The following DEPTOR variants were observed in gnomAD, a reference collection of about 807,000 sequenced individuals.
The protein encoded by DEPTOR is DEP domain-containing mTOR-interacting protein.
In DEPTOR, 41 loss-of-function variants were observed where a neutral mutation model predicts 41.6. That is an observed-to-expected ratio of 0.98 (90% confidence interval 0.77 to 1.28). DEPTOR has a LOEUF of 1.28. Among genes scored for constraint, DEPTOR ranks in the 50% most tolerant of loss-of-function variants. The probability of loss-of-function intolerance (pLI) is 0.00; values close to 1 mark genes in which losing one functional copy is unlikely to be tolerated. For synonymous variants in DEPTOR, 195 were observed against 192.3 expected, an observed-to-expected ratio of 1.01 and a Z score of -0.12; for missense variants, 514 against 527.9, an observed-to-expected ratio of 0.97 and a Z score of 0.26.
intron 1 of DEPTOR, among the ~76,000 whole-genome samples, chr8:119,886,470 T>TACACAC (rs1309331995): frequency 2.7e-5 from 4 of 145,938 alleles, no homozygotes; most frequent in Non-Finnish European, 6.0e-5. Context: ...CACACACACA[T>TACACAC]ACACATACAC....
intron 8 of DEPTOR, among the ~76,000 whole-genome samples, chr8:120,030,219 G>A (rs1413307393): frequency 1.3e-5 from 2 of 152,064 alleles, no homozygotes; most frequent in South Asian, 4.2e-4. Context: ...ATGTATCTGC[G>A]GAGAACAGAC....
Position 120,001,532 on chromosome 8 carries a change from C to T in DEPTOR, c.612C>T (p.Asn204=). ...TTTTTTTTTTCTCCCCAGTGTCCAA[C>T]AAGCACCCATTTGTGGACAGCAATC... ...MEHGIIQHVS[N]KHPFVDSNLL... The change falls in exon 5 of 9, where the codon AAC becomes AAT. Residue 204 remains asparagine (N), a synonymous_variant. Transcript: ENST00000286234. 1 of 1,607,968 alleles carries T rather than the reference C, an allele frequency of 6.2e-7. No homozygotes were observed. Among genetic ancestry groups the T allele is most frequent in the East Asian group, 2.2e-5 (1 of 44,746 alleles).
intron 4 of DEPTOR, among the ~76,000 whole-genome samples, chr8:119,982,014 TAAAAAAA>T (rs35334859): frequency 4.6e-5 from 3 of 65,686 alleles, no homozygotes; most frequent in African/African-American, 6.5e-5. Context: ...ATTCCATCTC[TAAAAAAA>T]AAAAAAAAAA....
chr8:119,943,898 C>T (rs1828235322), intron 3 of DEPTOR, among the ~76,000 whole-genome samples: 1 of 152,074 alleles, frequency 6.6e-6, no homozygotes, highest in Non-Finnish European at 1.5e-5. Flanking sequence ...AGTGCAGTGG[C>T]TCAATCTTGG....
rs1452436128 is a variant in DEPTOR at position 119,928,547 on chromosome 8, G to C, written c.270G>C (p.Gln90His). Residue 90 changes from glutamine to histidine, a missense_variant, in exon 2 of 9, where the codon CAG becomes CAC. Transcript: ENST00000286234. Reference protein sequence around the residue: ...SDRETAIKLMQKLADRGIIHH... With the variant: ...SDRETAIKLMHKLADRGIIHH... Reference sequence around the variant, plus strand: ...GAGAGACGGCAATTAAACTCATGCAGAAATTAGCAGACCGGGGCATTATTC... The same window carrying C: ...GAGAGACGGCAATTAAACTCATGCACAAATTAGCAGACCGGGGCATTATTC... The C allele has an allele frequency of 3.7e-6, 6 of 1,614,160 alleles. No individual in the cohort carries two copies. The highest frequency in any genetic ancestry group is 5.1e-6 in the Non-Finnish European group (6 of 1,180,010).
intron 4 of DEPTOR, among the ~76,000 whole-genome samples, chr8:119,982,036 A>AT (rs1828776086): frequency 6.6e-6 from 1 of 151,400 alleles, no homozygotes; most frequent in Admixed American, 6.6e-5. Context: ...AAAAAAAAAA[A>AT]AAAATTCTAG....
chr8:119,890,060 G>A (rs1563957920), intron 1 of DEPTOR, among the ~76,000 whole-genome samples: 1 of 152,062 alleles, frequency 6.6e-6, no homozygotes, highest in African/African-American at 2.4e-5. Flanking sequence ...TGCCTCCTGG[G>A]TTCAAGTGAT....
intron 7 of DEPTOR, among the ~76,000 whole-genome samples, chr8:120,008,444 G>A (rs922058773): frequency 5.5e-4 from 81 of 147,866 alleles, no homozygotes; most frequent in African/African-American, 1.9e-3. Context: ...CAGGAGAATC[G>A]CTTGAACCCG....
intron 1 of DEPTOR, among the ~76,000 whole-genome samples, chr8:119,884,303 C>A (rs1051896315): frequency 3.3e-4 from 50 of 152,264 alleles, no homozygotes; most frequent in African/African-American, 1.1e-3. Flanking sequence ...AGTGATCTGC[C>A]CACCTCGGCC....
At chr8:119,877,819 G>A (rs1456160923) in intron 1 of DEPTOR, among the ~76,000 whole-genome samples, 2 of 152,218 alleles carry the variant, frequency 1.3e-5, no homozygotes, top group Non-Finnish European at 2.9e-5. Context: ...TACAGCATGG[G>A]AAGAAACTTT....
chr8:119,964,757 A>C (rs1002351843), intron 3 of DEPTOR, among the ~76,000 whole-genome samples: 2 of 152,066 alleles, frequency 1.3e-5, no homozygotes, highest in Admixed American at 1.3e-4. Context: ...TACTAGGAGA[A>C]AATGCATCTT....
At chr8:120,049,504 A>G in intron 8 of DEPTOR, 72 bp from the exon 9 acceptor site, 2 of 1,557,364 alleles carry the variant, frequency 1.3e-6, no homozygotes, top group Admixed American at 1.8e-5. Flanking sequence ...AGGGCTACAC[A>G]CTGTCTTTAT....
chr8:120,025,500 C>T (rs1812783203), intron 8 of DEPTOR, among the ~76,000 whole-genome samples: 2 of 152,142 alleles, frequency 1.3e-5, no homozygotes, highest in Non-Finnish European at 2.9e-5. Flanking sequence ...GGTCAGATTA[C>T]TGGAACAGGA....
intron 1 of DEPTOR, among the ~76,000 whole-genome samples, chr8:119,912,998 G>A (rs1230875217): frequency 3.9e-5 from 6 of 152,126 alleles, no homozygotes; most frequent in African/African-American, 1.2e-4. Flanking sequence ...TTGGCTCACT[G>A]CAACCTCCAC....
intron 6 of DEPTOR, among the ~76,000 whole-genome samples, chr8:120,005,246 T>A (rs534169350): frequency 6.6e-5 from 10 of 152,178 alleles, no homozygotes; most frequent in Non-Finnish European, 1.3e-4. Context: ...TTTTCTTACC[T>A]CCCATCCATC....
intron 4 of DEPTOR, among the ~76,000 whole-genome samples, chr8:119,989,619 T>C (rs527463002): frequency 6.6e-6 from 1 of 152,322 alleles, no homozygotes; most frequent in Admixed American, 6.5e-5. Context: ...ATAATATATA[T>C]GGGAATATAA....
chr8:119,904,996 CAG>C (rs1195752170), intron 1 of DEPTOR, among the ~76,000 whole-genome samples: 2 of 108,460 alleles, frequency 1.8e-5, no homozygotes, highest in Non-Finnish European at 3.4e-5. Flanking sequence ...TTTGTAGAGA[CAG>C]AGTCTCACTA....
At chr8:119,948,445 A>G (rs1047329843) in intron 3 of DEPTOR, among the ~76,000 whole-genome samples, 2 of 152,000 alleles carry the variant, frequency 1.3e-5, no homozygotes, top group Non-Finnish European at 2.9e-5. Flanking sequence ...AACTAAAATA[A>G]AAATAAGAAT....
At chr8:119,925,371 C>G (rs1288241443) in intron 1 of DEPTOR, among the ~76,000 whole-genome samples, 1 of 151,974 alleles carries the variant, frequency 6.6e-6, no homozygotes, top group African/African-American at 2.4e-5. Flanking sequence ...GCCTGGGCAA[C>G]AGAGTGAGAC....
Sources: gnomAD v4.1 joint callset for allele counts (sites outside exome capture counted in the v4.1 genomes callset) on GRCh38, gnomAD v4.1.1 for gene constraint, MANE v1.5 for transcripts, NCBI Gene and HGNC (gene_info 2026-07-23, HGNC 2026-07-21) for gene names.